Variants in TAFA1 observed in about 807,000 individuals in gnomAD.
TAFA1 encodes TAFA chemokine like family member 1.
Under a neutral mutation model 18.5 loss-of-function variants are expected in TAFA1, and 4 were observed. That is an observed-to-expected ratio of 0.22 (90% CI 0.11 to 0.49). The LOEUF is 0.49. Among genes scored for constraint, TAFA1 ranks in the 20% least tolerant of loss-of-function variants. TAFA1 has a pLI of 0.98. For synonymous variants in TAFA1, 56 were observed against 55.2 expected (o/e 1.01, Z -0.06); for missense variants, 147 against 169.0 (o/e 0.87, Z 0.72).
chr3:68,222,172 TAGA>T (rs1321485248), intron 2 of TAFA1, among the ~76,000 whole-genome samples: 2 of 128,748 alleles, frequency 1.6e-5, no homozygotes, highest in Non-Finnish European at 3.3e-5. Flanking sequence ...CACCCATTTT[TAGA>T]AGAACAAAAC....
chr3:68,388,437 C>T (rs1301319524), intron 2 of TAFA1, among the ~76,000 whole-genome samples: 2 of 152,060 alleles, frequency 1.3e-5, no homozygotes, highest in Non-Finnish European at 2.9e-5. Flanking sequence ...TTTTTTTAAA[C>T]ATTATTGCTC....
rs918885287 is a variant in TAFA1 at position 68,414,152 on chromosome 3, A to G, written c.119-3128A>G. Among the ~76,000 whole-genome samples the G allele has an allele frequency of 2.0e-5, 3 of 152,032 alleles. No individual in the cohort carries two copies. The East Asian group carries it at 5.8e-4, about 29-fold the overall frequency. ...AAACCCTGTCTCTACTAACAATACA[A>G]AAAAATTAGCTGGGCATGGTGGTGC... On this transcript the variant is annotated intron_variant, in intron 2 of 4. Transcript: ENST00000478136.
intron 2 of TAFA1, among the ~76,000 whole-genome samples, chr3:68,122,134 C>T (rs1035696718): frequency 2.0e-5 from 3 of 152,040 alleles, no homozygotes; most frequent in Non-Finnish European, 4.4e-5. Flanking sequence ...CTGTCTAACT[C>T]AAGAGTCAAA....
intron 2 of TAFA1, among the ~76,000 whole-genome samples, chr3:68,272,914 T>C (rs1370150950): frequency 6.6e-6 from 1 of 152,194 alleles, no homozygotes; most frequent in Admixed American, 6.5e-5. Flanking sequence ...TCAAATCCCA[T>C]TCTTTCTTTT....
At chr3:68,490,281 T>A (rs1430098225) in intron 3 of TAFA1, among the ~76,000 whole-genome samples, 1 of 152,202 alleles carries the variant, frequency 6.6e-6, no homozygotes, top group African/African-American at 2.4e-5. Context: ...CTTGCATGGA[T>A]ATAAGACCAC....
chr3:68,273,991 T>G (rs1433836681), intron 2 of TAFA1, among the ~76,000 whole-genome samples: 1 of 152,172 alleles, frequency 6.6e-6, no homozygotes, highest in Non-Finnish European at 1.5e-5. Flanking sequence ...ATGCACTGAT[T>G]TGCTCTTACC....
intron 2 of TAFA1, among the ~76,000 whole-genome samples, chr3:68,281,899 A>G (rs189390848): frequency 6.6e-5 from 10 of 152,274 alleles, no homozygotes; most frequent in East Asian, 1.9e-4. Context: ...GTTTTAGTCC[A>G]TTCTCACGCT....
Position 68,018,276 on chromosome 3 carries a change from T to C in TAFA1, c.118+11532T>C, listed in dbSNP as rs143013130. ...ACAAGTCAGCCAATTGTCAAAGAAGTGGCAACCATATTCTGGCCAGACTCT... is the reference window on the plus strand; with the variant it reads ...ACAAGTCAGCCAATTGTCAAAGAAGCGGCAACCATATTCTGGCCAGACTCT... On this transcript the variant is annotated intron_variant, in intron 2 of 4. Transcript: ENST00000478136. Among the ~76,000 whole-genome samples, 803 of 152,280 alleles carry C rather than the reference T, an allele frequency of 5.3e-3. 7 individuals carry two copies. Among genetic ancestry groups the C allele is most frequent in the African/African-American group, 0.019 (772 of 41,574 alleles).
At chr3:68,120,213 CTTTCTTTCTTTCTTTCTT>C (rs1553642714) in intron 2 of TAFA1, among the ~76,000 whole-genome samples, 1 of 121,228 alleles carries the variant, frequency 8.2e-6, no homozygotes. Flanking sequence ...TTCTTTCTTT[CTTTCTTTCTTTCTTTCTT>C]TCTTTCTTTC....
intron 2 of TAFA1, among the ~76,000 whole-genome samples, chr3:68,176,665 C>T (rs1169165239): frequency 6.6e-6 from 1 of 152,204 alleles, no homozygotes; most frequent in Non-Finnish European, 1.5e-5. Context: ...ATATTTACCA[C>T]TTCTCTATTC....
chr3:68,204,663 A>G (rs2066505603), intron 2 of TAFA1, among the ~76,000 whole-genome samples: 2 of 151,870 alleles, frequency 1.3e-5, no homozygotes, highest in Admixed American at 6.6e-5. Flanking sequence ...ATTAAAAGCA[A>G]CAATCACAAA....
At chr3:68,167,961 T>A (rs1052342419) in intron 2 of TAFA1, among the ~76,000 whole-genome samples, 5 of 152,094 alleles carry the variant, frequency 3.3e-5, no homozygotes, top group African/African-American at 4.8e-5. Context: ...TTTAAGAATC[T>A]GTGAAGACAA....
At chr3:68,239,028 C>T (rs150810443) in intron 2 of TAFA1, among the ~76,000 whole-genome samples, 59 of 152,244 alleles carry the variant, frequency 3.9e-4, no homozygotes, top group African/African-American at 1.4e-3. Flanking sequence ...GGAAATACTT[C>T]AGTGAAATAT....
At chr3:68,473,485 T>C (rs1166243977) in intron 3 of TAFA1, among the ~76,000 whole-genome samples, 1 of 152,162 alleles carries the variant, frequency 6.6e-6, no homozygotes, top group Non-Finnish European at 1.5e-5. Flanking sequence ...TTTAAGTTTA[T>C]AGCGCTCATC....
intron 3 of TAFA1, among the ~76,000 whole-genome samples, chr3:68,501,932 C>T (rs1042264184): frequency 3.3e-5 from 5 of 152,080 alleles, no homozygotes; most frequent in Admixed American, 2.0e-4. Context: ...GGCCCTCTGG[C>T]AGGAAAATCT....
At chr3:68,488,119 G>A (rs191645298) in intron 3 of TAFA1, among the ~76,000 whole-genome samples, 15 of 152,136 alleles carry the variant, frequency 9.9e-5, no homozygotes, top group East Asian at 3.9e-4. Context: ...AGATGTATAC[G>A]TAAAGGGGAG....
chr3:68,511,739 A>G (rs2072848740), intron 3 of TAFA1, among the ~76,000 whole-genome samples: 1 of 152,056 alleles, frequency 6.6e-6, no homozygotes, highest in Non-Finnish European at 1.5e-5. Context: ...TCCTGATTGT[A>G]AATCTCTTTA....
At chr3:68,090,038 C>T (rs2065013585) in intron 2 of TAFA1, among the ~76,000 whole-genome samples, 1 of 152,120 alleles carries the variant, frequency 6.6e-6, no homozygotes. Flanking sequence ...AGCTTGAGCC[C>T]TTCTACTCAC....
chr3:68,438,843 G>T (rs1174432501), intron 3 of TAFA1, among the ~76,000 whole-genome samples: 1 of 152,046 alleles, frequency 6.6e-6, no homozygotes, highest in Non-Finnish European at 1.5e-5. Context: ...CTCAATTAAG[G>T]CCACTTGAGC....
Sources: gnomAD v4.1 joint callset for allele counts (sites outside exome capture counted in the v4.1 genomes callset) on GRCh38, gnomAD v4.1.1 for gene constraint, MANE v1.5 for transcripts, NCBI Gene and HGNC (gene_info 2026-07-23, HGNC 2026-07-21) for gene names.